The following INTS8 variants were observed in gnomAD, a reference collection of about 807,000 sequenced individuals.
INTS8 encodes protein kaonashi-1.
A neutral mutation model predicts 138.9 loss-of-function variants in INTS8; 47 were observed. That is an observed-to-expected ratio of 0.34 (90% CI 0.27 to 0.43). INTS8 has a LOEUF of 0.43. Among genes scored for constraint, INTS8 ranks in the 20% least tolerant of loss-of-function variants. INTS8 has a pLI of 1.00. For synonymous variants in INTS8, 392 were observed against 400.9 expected (o/e 0.98, Z 0.27); for missense variants, 996 against 1,173.0 (o/e 0.85, Z 2.20).
rs1196879191 is a variant in INTS8 at position 94,853,927 on chromosome 8, T to C, written c.1752+12T>C. 6.9e-6 allele frequency: 10 copies of C among 1,449,166 alleles called. No homozygotes were observed. Among genetic ancestry groups the C allele is most frequent in the South Asian group, 1.1e-5 (1 of 87,648 alleles). The allele number at this position is 1,449,166 out of a possible 1,614,324, so 89.8% of individuals were successfully genotyped here. ...GCAGTACTGTTAAGGTGAGTAAAAG[T>C]GTGTATCAAACACTTGTTAAGAATA... On this transcript the variant is annotated intron_variant, in intron 14 of 26. Coordinates refer to ENST00000523731, the MANE Select transcript of INTS8 (RefSeq NM_017864.4).
chr8:94,839,061 A>G (rs1209805427), intron 8 of INTS8, among the ~76,000 whole-genome samples: 1 of 152,152 alleles, frequency 6.6e-6, no homozygotes, highest in Non-Finnish European at 1.5e-5. Flanking sequence ...TGTCTTTTGG[A>G]TGTGTGGCTT....
chr8:94,834,049 G>C (rs1370538490), intron 6 of INTS8, among the ~76,000 whole-genome samples: 1 of 152,096 alleles, frequency 6.6e-6, no homozygotes, highest in Admixed American at 6.6e-5. Context: ...TGGGATTACC[G>C]GTGTGAGCCA....
At chr8:94,836,053 G>T (rs1213240384) in intron 6 of INTS8, among the ~76,000 whole-genome samples, 1 of 152,202 alleles carries the variant, frequency 6.6e-6, no homozygotes, top group Non-Finnish European at 1.5e-5. Flanking sequence ...AGCATTGAGA[G>T]TGATGGAGAA....
chr8:94,853,069 T>C (rs939116208), intron 13 of INTS8, among the ~76,000 whole-genome samples: 11 of 152,088 alleles, frequency 7.2e-5, no homozygotes, highest in Admixed American at 1.3e-4. Flanking sequence ...CCCAGCACTT[T>C]GGGGAGCTGA....
rs1815876989 is a variant in INTS8 at position 94,859,557 on chromosome 8, G to A, written c.2001G>A (p.Met667Ile). The change falls in exon 16 of 27, where the codon ATG becomes ATA. Residue 667 changes from methionine (M) to isoleucine (I), a missense_variant. By Grantham distance (10) the Met-to-Ile change is conservative. Coordinates refer to ENST00000523731, the MANE Select transcript of INTS8 (RefSeq NM_017864.4). ...TAGCTGAGGAATGTGTTGCCTTTAT[G>A]TTAAACTGGAGAGAAAATGAATACC... is the stretch of plus-strand genomic sequence containing the variant. Reference protein sequence around the residue: ...QVIAEECVAFMLNWRENEYLT... With the variant: ...QVIAEECVAFILNWRENEYLT... 6.2e-7 allele frequency: 1 copy of A among 1,613,014 alleles called. No individual in the cohort carries two copies. The highest frequency in any genetic ancestry group is 8.5e-7 in the Non-Finnish European group (1 of 1,179,190).
chr8:94,872,307 C>T (rs1816426422), intron 21 of INTS8, among the ~76,000 whole-genome samples: 2 of 152,096 alleles, frequency 1.3e-5, no homozygotes, highest in Non-Finnish European at 2.9e-5. Flanking sequence ...GATCTTGGCT[C>T]ACTGCAAACT....
At chr8:94,854,471 T>G (rs1393534885) in intron 14 of INTS8, among the ~76,000 whole-genome samples, 3 of 152,220 alleles carry the variant, frequency 2.0e-5, no homozygotes, top group African/African-American at 7.2e-5. Context: ...TCTTTAGGAT[T>G]CAGCTAGTAA....
chr8:94,854,440 A>G (rs927291027), intron 14 of INTS8, among the ~76,000 whole-genome samples: 1 of 152,214 alleles, frequency 6.6e-6, no homozygotes, highest in East Asian at 1.9e-4. Flanking sequence ...TTGAGAGAAC[A>G]TGCAAAGATA....
intron 26 of INTS8, among the ~76,000 whole-genome samples, chr8:94,878,754 TACTTTTCTCTCAA>T (rs996300259): frequency 6.6e-6 from 1 of 152,214 alleles, no homozygotes; most frequent in Non-Finnish European, 1.5e-5. Flanking sequence ...TCACTGCTCT[TACTTTTCTCTCAA>T]GAGCCACCAA....
At chr8:94,863,380 CT>C (rs1330030526) in intron 16 of INTS8, among the ~76,000 whole-genome samples, 2 of 152,230 alleles carry the variant, frequency 1.3e-5, no homozygotes, top group African/African-American at 4.8e-5. Context: ...CCAGGATGTC[CT>C]TTCCAGCTTT....
chr8:94,827,748 G>A lies in INTS8; in HGVS notation c.473G>A (p.Ser158Asn), dbSNP rs765163153. The part of the protein sequence containing the change: ...RWAIRTIVQS[S>N]FPVKQAKPGP... ...GCAATTAGGACAATTGTTCAAAGTAGTTTTCCAGTCAAACAGGCAAAACCC... is the reference window on the plus strand; with the variant it reads ...GCAATTAGGACAATTGTTCAAAGTAATTTTCCAGTCAAACAGGCAAAACCC... The change falls in exon 4 of 27, where the codon AGT becomes AAT. Residue 158 changes from serine to asparagine, a missense_variant. Physicochemically the swap from Ser to Asn is conservative, Grantham distance 46 (BLOSUM62 1). Coordinates refer to ENST00000523731, the MANE Select transcript of INTS8 (RefSeq NM_017864.4). The A allele has an allele frequency of 5.0e-6, 8 of 1,614,136 alleles. No individual in the cohort carries two copies. In the Admixed American group the frequency reaches 1.3e-4, roughly 27 times the overall value.
chr8:94,860,817 A>G (rs1191974402), intron 16 of INTS8, among the ~76,000 whole-genome samples: 1 of 151,812 alleles, frequency 6.6e-6, no homozygotes, highest in Non-Finnish European at 1.5e-5. Context: ...GCACTTTGGG[A>G]GGCCGAGACG....
intron 12 of INTS8, 73 bp from the exon 13 acceptor site, chr8:94,851,480 C>A: frequency 1.9e-6 from 2 of 1,059,572 alleles, no homozygotes; most frequent in Non-Finnish European, 2.7e-6. Context: ...ATACAAAATA[C>A]ATAATTTTAA....
intron 10 of INTS8, among the ~76,000 whole-genome samples, chr8:94,847,570 G>A (rs929544887): frequency 2.0e-5 from 3 of 151,952 alleles, no homozygotes; most frequent in Admixed American, 1.3e-4. Flanking sequence ...CTATATTCTC[G>A]TTTTTCTAGA....
intron 5 of INTS8, among the ~76,000 whole-genome samples, chr8:94,830,263 A>T (rs1161256722): frequency 6.6e-6 from 1 of 152,188 alleles, no homozygotes; most frequent in Non-Finnish European, 1.5e-5. Context: ...ATAATTTAGA[A>T]ATGATTTCTG....
chr8:94,849,447 T>C lies in INTS8; in HGVS notation c.1261-15T>C, dbSNP rs1815451177. The C allele has an allele frequency of 1.5e-6, 2 of 1,345,724 alleles. No individual in the cohort carries two copies. The highest frequency in any genetic ancestry group is 3.0e-5 in the African/African-American group (2 of 67,144). The allele number at this position is 1,345,724 out of a possible 1,614,324, so 83.4% of individuals were successfully genotyped here. A position where few individuals can be genotyped will look rare whatever the true frequency, so the allele number is the denominator to read the frequency against. The stretch of plus-strand genomic sequence containing the variant: ...TAAGTACCCATATTCAAATGAAAAT[T>C]ACTCAAATTCCTAGGTATGTTCAAG... On this transcript the variant is annotated splice_polypyrimidine_tract_variant and intron_variant, in intron 10 of 26. Coordinates refer to ENST00000523731, the MANE Select transcript of INTS8 (RefSeq NM_017864.4).
In INTS8 at chr8:94,827,328, G is replaced by C; in HGVS notation, c.371G>C (p.Gly124Ala). 6.2e-7 allele frequency: 1 copy of C among 1,613,750 alleles called. No homozygotes were observed. The change falls in exon 3 of 27, where the codon GGG (glycine) becomes GCG (alanine). Residue 124 changes from glycine to alanine, a missense_variant. Coordinates refer to ENST00000523731, the MANE Select transcript of INTS8 (RefSeq NM_017864.4). ...CTCTGCATCAGTAAAGTTCCTCCTG[G>C]GACAAAGCATGTAGACATGGATCTG... ...ELLCISKVPP[G>A]TKHVDMDLAT...
At chr8:94,858,122 T>A (rs1030700832) in intron 15 of INTS8, among the ~76,000 whole-genome samples, 1 of 152,224 alleles carries the variant, frequency 6.6e-6, no homozygotes, top group East Asian at 1.9e-4. Flanking sequence ...CATAAATCTT[T>A]CTTAGTTAAA....
chr8:94,860,929 C>T (rs1049169168), intron 16 of INTS8, among the ~76,000 whole-genome samples: 1 of 150,906 alleles, frequency 6.6e-6, no homozygotes, highest in African/African-American at 2.4e-5. Context: ...TAGTGGCGGG[C>T]TCCTGTAGTC....
Sources: allele counts gnomAD v4.1 joint callset (sites outside exome capture counted in the v4.1 genomes callset), GRCh38; gene constraint gnomAD v4.1.1; transcripts MANE v1.5; gene names NCBI Gene and HGNC (gene_info 2026-07-23, HGNC 2026-07-21).